STK39: variants seen among roughly 807,000 people sequenced by gnomAD.
The protein encoded by STK39 is serine/threonine kinase 39, also known as STE20/SPS1-related proline-alanine-rich protein kinase.
A neutral mutation model predicts 77.8 loss-of-function variants in STK39; 20 were observed. The ratio of observed to expected loss-of-function variants is 0.26; its 90% CI spans 0.18 to 0.37. The LOEUF is 0.37. Among genes scored for constraint, STK39 ranks in the 10% least tolerant of loss-of-function variants. The pLI is 1.00. For synonymous variants in STK39, 246 were observed against 234.1 expected (o/e 1.05, Z -0.47); for missense variants, 479 against 656.5 (o/e 0.73, Z 2.95).
chr2:168,066,770 G>A (rs977253676), intron 12 of STK39, among the ~76,000 whole-genome samples: 5 of 152,230 alleles, frequency 3.3e-5, no homozygotes, highest in African/African-American at 1.2e-4. Context: ...ACCTTACTGT[G>A]TAGGTGTAAC....
intron 10 of STK39, among the ~76,000 whole-genome samples, chr2:168,118,670 C>T (rs1368168365): frequency 6.7e-6 from 1 of 150,284 alleles, no homozygotes; most frequent in Non-Finnish European, 1.5e-5. Flanking sequence ...CTGTAAGATG[C>T]TTTTCCCCCT....
At chr2:168,027,617 CGT>C (rs750424896) in intron 14 of STK39, among the ~76,000 whole-genome samples, 2 of 152,176 alleles carry the variant, frequency 1.3e-5, no homozygotes, top group Non-Finnish European at 2.9e-5. Flanking sequence ...TACATGCACA[CGT>C]GTGTGCATGA....
chr2:168,005,167 A>T (rs1684098468), intron 16 of STK39, among the ~76,000 whole-genome samples: 1 of 151,874 alleles, frequency 6.6e-6, no homozygotes, highest in Non-Finnish European at 1.5e-5. Context: ...TACCAGATGC[A>T]GCTAATTTTT....
chr2:167,963,009 T>G (rs1284360215), intron 17 of STK39, among the ~76,000 whole-genome samples: 1 of 152,070 alleles, frequency 6.6e-6, no homozygotes, highest in Non-Finnish European at 1.5e-5. Context: ...CTGTCCCGGG[T>G]GTGCGGTTTA....
chr2:168,129,515 G>C, intron 10 of STK39, 26 bp downstream of exon 10: 2 of 1,613,506 alleles, frequency 1.2e-6, no homozygotes, highest in Admixed American at 3.3e-5. Context: ...GGTTCCTACA[G>C]GGTCATGAAG....
chr2:167,987,038 G>A (rs1186820956), intron 16 of STK39, among the ~76,000 whole-genome samples: 1 of 152,106 alleles, frequency 6.6e-6, no homozygotes, highest in African/African-American at 2.4e-5. Context: ...AGTTAGCACT[G>A]CTTATTCCAA....
intron 2 of STK39, among the ~76,000 whole-genome samples, chr2:168,175,615 T>C (rs1279751600): frequency 6.6e-6 from 1 of 152,222 alleles, no homozygotes; most frequent in Non-Finnish European, 1.5e-5. Flanking sequence ...AATACAACTT[T>C]AGTGCTCTAA....
chr2:168,086,240 T>A (rs984924886), intron 10 of STK39, among the ~76,000 whole-genome samples: 1 of 151,836 alleles, frequency 6.6e-6, no homozygotes, highest in Non-Finnish European at 1.5e-5. Context: ...TCATACCAGA[T>A]AACAGACTCT....
chr2:168,073,317 T>C (rs1052416408), intron 12 of STK39, among the ~76,000 whole-genome samples: 1 of 152,242 alleles, frequency 6.6e-6, no homozygotes, highest in African/African-American at 2.4e-5. Flanking sequence ...ATCCAATGGA[T>C]ATCGTCCAAT....
At chr2:168,102,811 T>C (rs1345398256) in intron 10 of STK39, among the ~76,000 whole-genome samples, 2 of 151,292 alleles carry the variant, frequency 1.3e-5, no homozygotes, top group African/African-American at 4.9e-5. Context: ...GCACCTGTAG[T>C]CCCAGCTACT....
chr2:168,082,502 A>G (rs1324334692), intron 10 of STK39, among the ~76,000 whole-genome samples: 1 of 152,184 alleles, frequency 6.6e-6, no homozygotes, highest in Admixed American at 6.5e-5. Flanking sequence ...TGTGGCCATA[A>G]CACTGTCTTG....
intron 10 of STK39, among the ~76,000 whole-genome samples, chr2:168,104,691 A>G (rs1686923232): frequency 6.6e-6 from 1 of 152,224 alleles, no homozygotes; most frequent in Non-Finnish European, 1.5e-5. Context: ...TACCATTCTG[A>G]TTGGTGAGTA....
chr2:168,186,163 T>C (rs560905930), intron 1 of STK39, among the ~76,000 whole-genome samples: 3 of 152,060 alleles, frequency 2.0e-5, no homozygotes, highest in African/African-American at 7.2e-5. Context: ...AAAGAGACAA[T>C]AGAGAGCTTA....
intron 1 of STK39, among the ~76,000 whole-genome samples, chr2:168,240,614 C>A (rs1690734192): frequency 6.6e-6 from 1 of 152,172 alleles, no homozygotes; most frequent in African/African-American, 2.4e-5. Context: ...CCCTTGAGGG[C>A]TCTAAAGATG....
intron 16 of STK39, among the ~76,000 whole-genome samples, chr2:168,009,736 C>T (rs1236254574): frequency 6.6e-6 from 1 of 152,090 alleles, no homozygotes; most frequent in Non-Finnish European, 1.5e-5. Flanking sequence ...GTTAGATATG[C>T]CTGTTCTTAC....
intron 1 of STK39, among the ~76,000 whole-genome samples, chr2:168,210,055 A>G (rs1689850292): frequency 6.7e-6 from 1 of 149,474 alleles, no homozygotes; most frequent in African/African-American, 2.5e-5. Flanking sequence ...GGAAGGAAGG[A>G]AGGAAGGAAG....
rs1689665205 is a variant in STK39 at position 168,203,615 on chromosome 2, CG to C, written c.209-21526del. ...GAGATGAGTCTTGTTTTTTTTGAGA[CG>C]GAGTCTCGCTCTGTCACCCAGGCTG... On this transcript the variant is annotated intron_variant, in intron 1 of 17. Coordinates refer to ENST00000355999, the MANE Select transcript of STK39 (RefSeq NM_013233.3). Among the ~76,000 whole-genome samples, 77 of 152,206 alleles carry C rather than the reference CG, an allele frequency of 5.1e-4. 1 individual carries two copies. Among genetic ancestry groups the C allele is most frequent in the Admixed American group, 5.0e-3 (77 of 15,300 alleles).
intron 14 of STK39, among the ~76,000 whole-genome samples, chr2:168,036,875 T>C (rs1311583683): frequency 6.6e-6 from 1 of 152,182 alleles, no homozygotes; most frequent in Non-Finnish European, 1.5e-5. Context: ...CATTTCATTA[T>C]AAAGGGATAA....
chr2:168,223,172 T>G (rs1455946915), intron 1 of STK39, among the ~76,000 whole-genome samples: 1 of 152,090 alleles, frequency 6.6e-6, no homozygotes, highest in African/African-American at 2.4e-5. Flanking sequence ...TTTCCTCCAA[T>G]TGCCAAGTGA....
Sources: allele counts gnomAD v4.1 joint callset (sites outside exome capture counted in the v4.1 genomes callset), GRCh38; gene constraint gnomAD v4.1.1; transcripts MANE v1.5; gene names NCBI Gene and HGNC (gene_info 2026-07-23, HGNC 2026-07-21).